Variants in PTPRR observed in about 807,000 individuals in gnomAD.
The protein encoded by PTPRR is receptor-type tyrosine-protein phosphatase R.
PTPRR carries 38 observed loss-of-function variants against 77.2 expected under a neutral mutation model. The ratio of observed to expected loss-of-function variants is 0.49; its 90% confidence interval spans 0.38 to 0.65. The LOEUF (loss-of-function observed/expected upper bound fraction) is 0.65, where lower values mean the gene tolerates loss of function less well. Among genes scored for constraint, PTPRR ranks in the 30% least tolerant of loss-of-function variants. The pLI is 0.00. For missense variants in PTPRR, 744 were observed against 799.2 expected (o/e 0.93, Z 0.83); for synonymous variants, 299 against 283.1 (o/e 1.06, Z -0.57).
intron 6 of PTPRR, among the ~76,000 whole-genome samples, chr12:70,730,395 C>A (rs565800998): frequency 1.3e-5 from 2 of 152,230 alleles, no homozygotes; most frequent in South Asian, 4.2e-4. Context: ...CCTGTAACCC[C>A]AGCTACTTGG....
At chr12:70,887,725 G>A (rs1893264771) in intron 2 of PTPRR, among the ~76,000 whole-genome samples, 2 of 152,066 alleles carry the variant, frequency 1.3e-5, no homozygotes, top group South Asian at 4.1e-4. Flanking sequence ...AAGAGAGAAG[G>A]CCAGAGCAGT....
At chr12:70,730,339 C>T (rs1003362501) in intron 6 of PTPRR, among the ~76,000 whole-genome samples, 6 of 152,052 alleles carry the variant, frequency 3.9e-5, no homozygotes, top group Admixed American at 2.6e-4. Flanking sequence ...GGTGAAACCC[C>T]GTCTCTACTA....
intron 6 of PTPRR, among the ~76,000 whole-genome samples, chr12:70,720,206 G>A (rs145853948): frequency 6.6e-6 from 1 of 152,296 alleles, no homozygotes; most frequent in Non-Finnish European, 1.5e-5. Context: ...ATAGAAACAA[G>A]CGTGAGATCT....
intron 6 of PTPRR, among the ~76,000 whole-genome samples, chr12:70,703,353 A>G (rs1360043500): frequency 6.6e-6 from 1 of 151,986 alleles, no homozygotes; most frequent in African/African-American, 2.4e-5. Flanking sequence ...TGGGTTAGGG[A>G]TTAGGGAATA....
At chr12:70,917,912 G>A (rs910311224) in intron 1 of PTPRR, among the ~76,000 whole-genome samples, 2 of 152,198 alleles carry the variant, frequency 1.3e-5, no homozygotes, top group Non-Finnish European at 2.9e-5. Context: ...TACCCTGGGC[G>A]TAACCAAAAT....
At chr12:70,917,312 C>T (rs576179533) in intron 1 of PTPRR, among the ~76,000 whole-genome samples, 2 of 152,224 alleles carry the variant, frequency 1.3e-5, no homozygotes, top group African/African-American at 4.8e-5. Flanking sequence ...TCAATGGTGG[C>T]CTCACCTATT....
At chr12:70,842,074 AG>A (rs960545801) in intron 2 of PTPRR, among the ~76,000 whole-genome samples, 6 of 152,230 alleles carry the variant, frequency 3.9e-5, no homozygotes, top group African/African-American at 1.4e-4. Context: ...CCTCTTAAAA[AG>A]CCCTACAAAG....
chr12:70,906,210 A>G (rs980494410), intron 1 of PTPRR, among the ~76,000 whole-genome samples: 1 of 151,980 alleles, frequency 6.6e-6, no homozygotes, highest in African/African-American at 2.4e-5. Context: ...GCTCACCCCA[A>G]TGAGCCTCAG....
At chr12:70,850,943 T>C (rs1160170375) in intron 2 of PTPRR, among the ~76,000 whole-genome samples, 1 of 152,200 alleles carries the variant, frequency 6.6e-6, no homozygotes, top group East Asian at 1.9e-4. Flanking sequence ...CCTGTTTTTT[T>C]TTCCTCATTC....
chr12:70,741,386 T>C (rs1291583498), intron 6 of PTPRR, among the ~76,000 whole-genome samples: 1 of 152,130 alleles, frequency 6.6e-6, no homozygotes, highest in Non-Finnish European at 1.5e-5. Context: ...GAGAGGTAGC[T>C]GAATCAGTAG....
intron 6 of PTPRR, among the ~76,000 whole-genome samples, chr12:70,703,267 T>C (rs1888498785): frequency 6.6e-6 from 1 of 152,200 alleles, no homozygotes; most frequent in South Asian, 2.1e-4. Context: ...AATATTGATA[T>C]GCCTATATGT....
chr12:70,742,576 G>A (rs1353475858), intron 6 of PTPRR, among the ~76,000 whole-genome samples: 1 of 152,204 alleles, frequency 6.6e-6, no homozygotes, highest in Non-Finnish European at 1.5e-5. Context: ...TATTTCATAA[G>A]TAGAAGTTAT....
intron 6 of PTPRR, among the ~76,000 whole-genome samples, chr12:70,732,145 C>T (rs1055191208): frequency 1.3e-5 from 2 of 152,230 alleles, no homozygotes; most frequent in South Asian, 4.1e-4. Flanking sequence ...GGGCCTCTGC[C>T]ATACTTTGAA....
At chr12:70,727,537 G>T (rs976957404) in intron 6 of PTPRR, among the ~76,000 whole-genome samples, 1 of 152,094 alleles carries the variant, frequency 6.6e-6, no homozygotes, top group Non-Finnish European at 1.5e-5. Flanking sequence ...TTGTGATCAG[G>T]TTTTCCAAGT....
intron 2 of PTPRR, among the ~76,000 whole-genome samples, chr12:70,839,929 T>A (rs902777417): frequency 1.3e-5 from 2 of 152,202 alleles, no homozygotes; most frequent in African/African-American, 2.4e-5. Context: ...TTGGCCTGAC[T>A]ACTTCCCTAT....
At chr12:70,658,082 T>A (rs1181422877) in intron 12 of PTPRR, among the ~76,000 whole-genome samples, 1 of 152,220 alleles carries the variant, frequency 6.6e-6, no homozygotes, top group Non-Finnish European at 1.5e-5. Context: ...TTCATGACCT[T>A]GCAAAATCTG....
intron 2 of PTPRR, among the ~76,000 whole-genome samples, chr12:70,868,281 C>A (rs1892894700): frequency 2.6e-5 from 4 of 151,784 alleles, no homozygotes; most frequent in South Asian, 2.1e-4. Context: ...TTTTCGCAAC[C>A]TACTCATCTG....
At chr12:70,733,193 T>G (rs1232661483) in intron 6 of PTPRR, among the ~76,000 whole-genome samples, 2 of 152,080 alleles carry the variant, frequency 1.3e-5, no homozygotes, top group Admixed American at 6.5e-5. Flanking sequence ...TAATTTCATT[T>G]GATACACTGT....
At chr12:70,816,391 T>C (rs568445047) in intron 2 of PTPRR, among the ~76,000 whole-genome samples, 1 of 151,990 alleles carries the variant, frequency 6.6e-6, no homozygotes. Context: ...GAATAGATAA[T>C]GAAACATAAA....
Sources: gnomAD v4.1 joint callset for allele counts (sites outside exome capture counted in the v4.1 genomes callset) on GRCh38, gnomAD v4.1.1 for gene constraint, MANE v1.5 for transcripts, NCBI Gene and HGNC (gene_info 2026-07-23, HGNC 2026-07-21) for gene names.